Variants in DLGAP2 observed in about 807,000 individuals in gnomAD.
The protein encoded by DLGAP2 is DLG associated protein 2.
A neutral mutation model predicts 100.3 loss-of-function variants in DLGAP2; 26 were observed. The observed-to-expected ratio is 0.26, with a 90% CI of 0.19 to 0.36. DLGAP2 has a LOEUF of 0.36. DLGAP2 is among the 10% of genes least tolerant of loss of function. The pLI, the probability that DLGAP2 is intolerant of heterozygous loss-of-function variation, is 1.00. For missense variants in DLGAP2, 1,858 were observed against 1,453.2 expected, an observed-to-expected ratio of 1.28 and a Z score of -4.53; for synonymous variants, 886 against 630.1, an observed-to-expected ratio of 1.41 and a Z score of -6.08.
intron 2 of DLGAP2, among the ~76,000 whole-genome samples, chr8:1,211,746 A>AT (rs1006152226): frequency 6.6e-6 from 1 of 152,188 alleles, no homozygotes; most frequent in Admixed American, 6.5e-5. Context: ...GTGGTAGCCC[A>AT]TGCCTGTAAT....
At chr8:1,217,044 A>C (rs1798228835) in intron 2 of DLGAP2, among the ~76,000 whole-genome samples, 1 of 152,040 alleles carries the variant, frequency 6.6e-6, no homozygotes, top group African/African-American at 2.4e-5. Context: ...GGTGTACAAA[A>C]AATTTCATCA....
rs561558074 is a variant in DLGAP2, at chr8:895,244, A to T, written c.19-12668A>T. Among the ~76,000 whole-genome samples the T allele has an allele frequency of 1.1e-4, 16 of 152,244 alleles. No homozygotes were observed. In the South Asian group the frequency reaches 2.9e-3, roughly 28 times the overall value. Reference sequence around the variant, plus strand: ...ATTAGCTCAATTTGGTCATTCCACAATGTATGCAGGACGGATACATCATAT... The same window carrying T: ...ATTAGCTCAATTTGGTCATTCCACATTGTATGCAGGACGGATACATCATAT... On this transcript the variant is annotated intron_variant, in intron 1 of 14. Coordinates refer to ENST00000637795, the MANE Select transcript of DLGAP2 (RefSeq NM_001346810.2).
At chr8:1,690,128 G>A (rs900147062) in intron 12 of DLGAP2, among the ~76,000 whole-genome samples, 1 of 152,264 alleles carries the variant, frequency 6.6e-6, no homozygotes, top group East Asian at 1.9e-4. Context: ...GGCCAAGGCG[G>A]GCTGATCACC....
Position 1,046,962 on chromosome 8 carries a change from G to GTT in DLGAP2, c.73+139003_73+139004dup, listed in dbSNP as rs11368371. Reference sequence around the variant, plus strand: ...TTTTGTTGTTTTATTAAAATAATAGGTTTTTTTTAATAATACAGCTTTATT... The same window carrying GTT: ...TTTTGTTGTTTTATTAAAATAATAGGTTTTTTTTTTAATAATACAGCTTTATT... On this transcript the variant is annotated intron_variant, in intron 2 of 14. Transcript: ENST00000637795. Among the ~76,000 whole-genome samples the GTT allele has an allele frequency of 3.4e-3, 511 of 151,780 alleles. 4 individuals carry two copies. The highest frequency in any genetic ancestry group is 5.0e-3 in the African/African-American group (205 of 41,332).
intron 3 of DLGAP2, among the ~76,000 whole-genome samples, chr8:1,448,790 A>G (rs1798054747): frequency 6.6e-6 from 1 of 152,204 alleles, no homozygotes; most frequent in Admixed American, 6.5e-5. Context: ...GCGTGCAAAA[A>G]TCAATGCATG....
intron 3 of DLGAP2, among the ~76,000 whole-genome samples, chr8:1,438,841 G>T (rs997946143): frequency 1.1e-4 from 16 of 152,170 alleles, no homozygotes; most frequent in African/African-American, 3.1e-4. Flanking sequence ...AGCAGAATCT[G>T]GTTGGAAGTG....
Position 1,671,357 on chromosome 8 carries a change from C to T in DLGAP2, c.2202+1573C>T, listed in dbSNP as rs148403704. ...ACCAGCATTCAATGGGACTGGCTTC[C>T]GGGACCTTTGGGCACAGTTTTGTCT... On this transcript the variant is annotated intron_variant, in intron 10 of 14. Transcript: ENST00000637795. 3.2e-3 allele frequency among the ~76,000 whole-genome samples: 491 copies of T among 152,324 alleles called. 1 individual carries two copies. The highest frequency in any genetic ancestry group is 0.011 in the African/African-American group (472 of 41,578).
chr8:1,228,445 C>A (rs1033216060), intron 2 of DLGAP2, among the ~76,000 whole-genome samples: 1 of 152,122 alleles, frequency 6.6e-6, no homozygotes, highest in African/African-American at 2.4e-5. Flanking sequence ...GAGGGAGTCC[C>A]CAACTCATTC....
intron 2 of DLGAP2, among the ~76,000 whole-genome samples, chr8:958,822 A>T (rs1284763281): frequency 6.6e-6 from 1 of 152,326 alleles, no homozygotes; most frequent in African/African-American, 2.4e-5. Flanking sequence ...TGGGAGCAGG[A>T]TCTACAGGAA....
chr8:1,175,855 G>T (rs1797241465), intron 2 of DLGAP2, among the ~76,000 whole-genome samples: 1 of 152,192 alleles, frequency 6.6e-6, no homozygotes, highest in African/African-American at 2.4e-5. Flanking sequence ...CACAAACCTA[G>T]ATTAAAACCC....
At chr8:1,069,858 C>T (rs776672888) in intron 2 of DLGAP2, among the ~76,000 whole-genome samples, 10 of 152,066 alleles carry the variant, frequency 6.6e-5, no homozygotes, top group African/African-American at 4.8e-5. Context: ...CTCACGTCTG[C>T]GGAAGAGGCC....
rs997624371 is a variant in DLGAP2, at chr8:793,515, C to A, written c.18+55690C>A. ...ACCACGCTGCTGGGTCTTTATGGCT[C>A]TTTCAAGATCTGGTGGCTTCTCTTC... On this transcript the variant is annotated intron_variant, in intron 1 of 14. Transcript: ENST00000637795. 3.3e-5 allele frequency among the ~76,000 whole-genome samples: 5 copies of A among 152,322 alleles called. No individual in the cohort carries two copies. In the South Asian group the frequency reaches 8.3e-4, roughly 25 times the overall value.
At chr8:1,045,909 C>T (rs995977585) in intron 2 of DLGAP2, among the ~76,000 whole-genome samples, 11 of 152,278 alleles carry the variant, frequency 7.2e-5, no homozygotes, top group Middle Eastern at 3.4e-3. Flanking sequence ...ACTCCCAGAC[C>T]TGCCGTTTGT....
intron 1 of DLGAP2, among the ~76,000 whole-genome samples, chr8:876,624 C>T (rs1407205612): frequency 3.3e-5 from 5 of 152,164 alleles, no homozygotes; most frequent in African/African-American, 1.2e-4. Flanking sequence ...ACTCTCTTTG[C>T]TTTTATCCTT....
At chr8:1,386,034 C>G (rs1008078343) in intron 3 of DLGAP2, among the ~76,000 whole-genome samples, 1 of 152,202 alleles carries the variant, frequency 6.6e-6, no homozygotes, top group African/African-American at 2.4e-5. Context: ...TCTCTTGTTA[C>G]AAAAATATGG....
chr8:1,062,405 G>C (rs1048102191), intron 2 of DLGAP2, among the ~76,000 whole-genome samples: 1 of 152,168 alleles, frequency 6.6e-6, no homozygotes, highest in Non-Finnish European at 1.5e-5. Context: ...AAGCTTCCCT[G>C]AGTGTAGGTC....
chr8:1,018,148 TG>T (rs1196173705), intron 2 of DLGAP2, among the ~76,000 whole-genome samples: 1 of 151,484 alleles, frequency 6.6e-6, no homozygotes, highest in Non-Finnish European at 1.5e-5. Context: ...TGCTTGGCCC[TG>T]CTCAGTCAGA....
chr8:899,683 C>T (rs1406542138), intron 1 of DLGAP2, among the ~76,000 whole-genome samples: 1 of 152,202 alleles, frequency 6.6e-6, no homozygotes, highest in Non-Finnish European at 1.5e-5. Context: ...GCTTGTAATG[C>T]CACATATTCT....
At position 1,345,044 on chromosome 8, in the gene DLGAP2, C is replaced by A. The variant is rs74524212; in HGVS notation, c.106+86161C>A. Among the ~76,000 whole-genome samples the A allele has an allele frequency of 2.7e-3, 414 of 152,322 alleles. 1 individual carries two copies. Among genetic ancestry groups the A allele is most frequent in the African/African-American group, 9.6e-3 (399 of 41,566 alleles). ...GGGACCATTCATCTTTCAGAGGAAT[C>A]ATTTGAAAGCTCAGTTATCTGGCCC... On this transcript the variant is annotated intron_variant, in intron 3 of 14. Transcript: ENST00000637795.
Sources: gnomAD v4.1 joint callset for allele counts (sites outside exome capture counted in the v4.1 genomes callset) on GRCh38, gnomAD v4.1.1 for gene constraint, MANE v1.5 for transcripts, NCBI Gene and HGNC (gene_info 2026-07-23, HGNC 2026-07-21) for gene names.